Variants in ARL15 observed in about 807,000 individuals in gnomAD.
ARL15 encodes the protein ADP-ribosylation factor-like protein 15.
ARL15 carries 19 observed loss-of-function variants against 25.2 expected under a neutral mutation model. The ratio of observed to expected loss-of-function variants is 0.75; its 90% CI spans 0.53 to 1.10. The LOEUF (loss-of-function observed/expected upper bound fraction) is 1.10, where lower values mean the gene tolerates loss of function less well. Ranked by LOEUF, ARL15 falls within the 50% of genes least tolerant of loss-of-function variation. The pLI, the probability that ARL15 is intolerant of heterozygous loss-of-function variation, is 0.00. For missense variants in ARL15, 220 were observed against 246.0 expected (o/e 0.89, Z 0.71); for synonymous variants, 94 against 86.8 (o/e 1.08, Z -0.46).
chr5:54,226,258 A>G (rs1018534895), intron 1 of ARL15, among the ~76,000 whole-genome samples: 1 of 152,222 alleles, frequency 6.6e-6, no homozygotes, highest in Non-Finnish European at 1.5e-5. Context: ...CGGCAGGTGG[A>G]AAATGGCCGT....
chr5:54,119,231 A>G (rs1193917684), intron 3 of ARL15, among the ~76,000 whole-genome samples: 5 of 152,180 alleles, frequency 3.3e-5, no homozygotes, highest in Non-Finnish European at 1.5e-5. Context: ...TTAAGTCACA[A>G]GGACTTCACT....
intron 3 of ARL15, among the ~76,000 whole-genome samples, chr5:54,120,935 T>C (rs563634849): frequency 6.6e-6 from 1 of 152,186 alleles, no homozygotes; most frequent in African/African-American, 2.4e-5. Context: ...CCAACCAGTA[T>C]TTTTTCTTTT....
intron 1 of ARL15, among the ~76,000 whole-genome samples, chr5:54,284,008 G>A (rs143092796): frequency 2.2e-4 from 33 of 152,294 alleles, no homozygotes; most frequent in African/African-American, 7.9e-4. Flanking sequence ...GACACATGAA[G>A]TAGACCATAC....
At chr5:54,215,906 A>G (rs1756192877) in intron 1 of ARL15, among the ~76,000 whole-genome samples, 2 of 152,220 alleles carry the variant, frequency 1.3e-5, no homozygotes, top group Non-Finnish European at 2.9e-5. Context: ...TCAATATTGC[A>G]TACAATATTA....
chr5:54,152,092 A>T (rs868226512), intron 3 of ARL15, among the ~76,000 whole-genome samples: 10 of 152,268 alleles, frequency 6.6e-5, no homozygotes, highest in African/African-American at 1.2e-4. Context: ...TCTCTGATTG[A>T]CAATGTGATT....
chr5:54,104,854 G>A (rs1386049167), intron 4 of ARL15, among the ~76,000 whole-genome samples: 1 of 151,884 alleles, frequency 6.6e-6, no homozygotes, highest in Non-Finnish European at 1.5e-5. Context: ...AGGAAGTTTT[G>A]TTTCTGTTTT....
rs80068965 is a variant in ARL15 at position 54,019,164 on chromosome 5, G to GT, written c.462+94037dup. Among the ~76,000 whole-genome samples, 1,010 of 145,354 alleles carry GT rather than the reference G, an allele frequency of 6.9e-3. 4 individuals carry two copies. The highest frequency in any genetic ancestry group is 0.012 in the Admixed American group (175 of 14,586). ...GAAACACCCTGAAAAAGATAAACAG[G>GT]TTTTTTTTTTTTCTTTTTATGTTCC... On this transcript the variant is annotated intron_variant, in intron 4 of 4. Transcript: ENST00000504924.
intron 4 of ARL15, among the ~76,000 whole-genome samples, chr5:53,984,246 C>T (rs1748217144): frequency 6.6e-6 from 1 of 152,130 alleles, no homozygotes; most frequent in Non-Finnish European, 1.5e-5. Flanking sequence ...TTGCTGCATT[C>T]CTCTGAACTC....
chr5:54,011,464 T>C (rs1749241723), intron 4 of ARL15, among the ~76,000 whole-genome samples: 1 of 152,114 alleles, frequency 6.6e-6, no homozygotes, highest in African/African-American at 2.4e-5. Flanking sequence ...TTTAAATAAA[T>C]AACAGAAAAA....
chr5:54,256,624 AAAG>A (rs1377138902), intron 1 of ARL15, among the ~76,000 whole-genome samples: 51 of 151,024 alleles, frequency 3.4e-4, no homozygotes, highest in African/African-American at 1.2e-3. Flanking sequence ...AAAAAAAAAA[AAAG>A]AAAAAGAAAG....
chr5:54,285,704 T>C (rs1039302274), intron 1 of ARL15, among the ~76,000 whole-genome samples: 1 of 152,000 alleles, frequency 6.6e-6, no homozygotes, highest in African/African-American at 2.4e-5. Flanking sequence ...TTAAAACTGG[T>C]AAAACAAGAA....
chr5:54,282,413 T>C (rs1758081402), intron 1 of ARL15: 3 of 985,338 alleles, frequency 3.0e-6, no homozygotes, highest in Admixed American at 1.2e-4. Context: ...TTTCCCTCTT[T>C]AAAGAAAATC....
intron 4 of ARL15, among the ~76,000 whole-genome samples, chr5:53,907,487 TA>T (rs1472343256): frequency 3.1e-3 from 97 of 31,654 alleles, no homozygotes; most frequent in East Asian, 0.021. Flanking sequence ...TATATATATA[TA>T]TTTTTTTTTT....
chr5:54,040,996 G>A (rs1750325183), intron 4 of ARL15, among the ~76,000 whole-genome samples: 1 of 152,094 alleles, frequency 6.6e-6, no homozygotes, highest in Admixed American at 6.5e-5. Context: ...CAAGTGTAGA[G>A]CAGACTTGGT....
At chr5:54,270,349 C>T (rs1284390778) in intron 1 of ARL15, among the ~76,000 whole-genome samples, 1 of 152,108 alleles carries the variant, frequency 6.6e-6, no homozygotes, top group African/African-American at 2.4e-5. Flanking sequence ...GAGAGAGTAG[C>T]GCCTTTCTCT....
At chr5:54,168,705 C>G (rs966206520) in intron 2 of ARL15, among the ~76,000 whole-genome samples, 1 of 152,068 alleles carries the variant, frequency 6.6e-6, no homozygotes, top group African/African-American at 2.4e-5. Context: ...ACTCTCCTCA[C>G]CCCATTCCTC....
chr5:54,240,252 C>T (rs1023731919), intron 1 of ARL15, among the ~76,000 whole-genome samples: 3 of 135,578 alleles, frequency 2.2e-5, no homozygotes, highest in Non-Finnish European at 3.1e-5. Flanking sequence ...AAAAACACAT[C>T]GCCAATAATT....
At chr5:54,125,860 T>G (rs192098439) in intron 3 of ARL15, among the ~76,000 whole-genome samples, 146 of 152,268 alleles carry the variant, frequency 9.6e-4, no homozygotes, top group African/African-American at 3.3e-3. Flanking sequence ...ATTAATGAAC[T>G]ACAGGGAGAA....
chr5:53,958,012 C>T (rs987786804), intron 4 of ARL15, among the ~76,000 whole-genome samples: 1 of 151,792 alleles, frequency 6.6e-6, no homozygotes, highest in Non-Finnish European at 1.5e-5. Context: ...GGGTTCAAGA[C>T]CAGCCTGGCC....
Sources: allele counts gnomAD v4.1 joint callset (sites outside exome capture counted in the v4.1 genomes callset), GRCh38; gene constraint gnomAD v4.1.1; transcripts MANE v1.5; gene names NCBI Gene and HGNC (gene_info 2026-07-23, HGNC 2026-07-21).